Variants in VTI1A observed in about 807,000 individuals in gnomAD.
VTI1A encodes the protein vesicle transport through interaction with t-SNAREs 1A.
VTI1A carries 22 observed loss-of-function variants against 34.9 expected under a neutral mutation model. The ratio of observed to expected loss-of-function variants is 0.63; its 90% confidence interval spans 0.45 to 0.90. VTI1A has a LOEUF of 0.90. Among genes scored for constraint, VTI1A ranks in the 40% least tolerant of loss-of-function variants. The probability of loss-of-function intolerance (pLI) is 0.00; values close to 1 mark genes in which losing one functional copy is unlikely to be tolerated. For synonymous variants in VTI1A, 87 were observed against 97.3 expected, an observed-to-expected ratio of 0.89 and a Z score of 0.62; for missense variants, 268 against 275.6, an observed-to-expected ratio of 0.97 and a Z score of 0.20.
At chr10:112,528,094 A>G (rs116932564) in intron 4 of VTI1A, among the ~76,000 whole-genome samples, 2,855 of 152,282 alleles carry the variant, frequency 0.019, 40 homozygotes, top group South Asian at 0.028. Context: ...TTTGGCAAGT[A>G]GTATAAAAGT....
the VTI1A span, chr10:112,825,767 T>G: frequency 6.6e-6 from 1 of 152,232 alleles, no homozygotes; most frequent in Non-Finnish European, 1.5e-5. Context: ...CTTCCTTCTT[T>G]CAACCTTCCG....
At chr10:112,807,819 C>T (rs1853139775) in intron 7 of VTI1A, among the ~76,000 whole-genome samples, 1 of 152,072 alleles carries the variant, frequency 6.6e-6, no homozygotes, top group Non-Finnish European at 1.5e-5. Flanking sequence ...CACCATTACA[C>T]TCCAGCCTGG....
At chr10:112,543,896 T>C (rs960508874) in intron 5 of VTI1A, among the ~76,000 whole-genome samples, 1 of 152,252 alleles carries the variant, frequency 6.6e-6, no homozygotes. Context: ...TTTCCAGATA[T>C]GGCTAGCCAG....
intron 7 of VTI1A, among the ~76,000 whole-genome samples, chr10:112,722,243 A>G (rs1225246532): frequency 6.6e-6 from 1 of 152,174 alleles, no homozygotes; most frequent in Non-Finnish European, 1.5e-5. Context: ...TTCAGATAAG[A>G]TTTGACTATC....
intron 7 of VTI1A, among the ~76,000 whole-genome samples, chr10:112,707,076 A>G (rs952177818): frequency 2.0e-5 from 3 of 152,226 alleles, no homozygotes; most frequent in African/African-American, 7.2e-5. Context: ...TTGAAAATTC[A>G]GAAAGGGTTA....
chr10:112,776,520 A>G (rs906814397), intron 7 of VTI1A, among the ~76,000 whole-genome samples: 95 of 152,154 alleles, frequency 6.2e-4, no homozygotes, highest in African/African-American at 2.1e-3. Flanking sequence ...TCTGACATCC[A>G]TCCGTCTATC....
At chr10:112,602,566 C>T (rs1423007361) in intron 5 of VTI1A, among the ~76,000 whole-genome samples, 1 of 152,136 alleles carries the variant, frequency 6.6e-6, no homozygotes, top group South Asian at 2.1e-4. Flanking sequence ...TCTGAAATGC[C>T]TCAATTAATG....
At chr10:112,798,553 C>G (rs1852756417) in intron 7 of VTI1A, among the ~76,000 whole-genome samples, 2 of 152,142 alleles carry the variant, frequency 1.3e-5, no homozygotes, top group South Asian at 4.1e-4. Context: ...CCTCCTAATT[C>G]ATGGGTGATT....
intron 3 of VTI1A, among the ~76,000 whole-genome samples, chr10:112,486,926 T>C (rs1848656799): frequency 6.6e-6 from 1 of 152,004 alleles, no homozygotes; most frequent in Admixed American, 6.6e-5. Context: ...ACATTTAATC[T>C]CTCTTTACCG....
chr10:112,647,173 TC>T (rs1846828032), intron 5 of VTI1A, among the ~76,000 whole-genome samples: 1 of 152,196 alleles, frequency 6.6e-6, no homozygotes, highest in Non-Finnish European at 1.5e-5. Flanking sequence ...TTTCTTTACT[TC>T]CATGGGCATG....
chr10:112,626,510 A>G (rs1227623030), intron 5 of VTI1A, among the ~76,000 whole-genome samples: 2 of 152,168 alleles, frequency 1.3e-5, no homozygotes, highest in Non-Finnish European at 2.9e-5. Flanking sequence ...TGCTGAGGAC[A>G]AGGACTACAT....
intron 2 of VTI1A, among the ~76,000 whole-genome samples, chr10:112,462,799 A>G (rs1847769015): frequency 6.6e-6 from 1 of 152,218 alleles, no homozygotes; most frequent in Non-Finnish European, 1.5e-5. Flanking sequence ...TTCCGGAAGG[A>G]ACTTATTAGA....
intron 3 of VTI1A, among the ~76,000 whole-genome samples, chr10:112,493,831 A>G (rs936173530): frequency 1.3e-5 from 2 of 152,152 alleles, no homozygotes; most frequent in African/African-American, 4.8e-5. Context: ...GTAATAGTGT[A>G]TAACCCTCCT....
At chr10:112,500,604 T>G (rs913301161) in intron 3 of VTI1A, among the ~76,000 whole-genome samples, 8 of 152,142 alleles carry the variant, frequency 5.3e-5, no homozygotes, top group Non-Finnish European at 1.0e-4. Flanking sequence ...AGGAACATAT[T>G]TTGTCTGGGT....
Position 112,811,712 on chromosome 10 carries a change from A to AAAAAAAAAAAAAAT in VTI1A, c.561-3578_561-3577insAAAAAAAAAAAAAT, listed in dbSNP as rs67154330. On this transcript the variant is annotated intron_variant, in intron 7 of 7. Transcript: ENST00000393077. ...AAAAAAAAAAAAAAAAAAAAAAAAA[A>AAAAAAAAAAAAAAT]GAGTGCAGTCCATGCCTGGAAGTAG... 4.8e-5 allele frequency among the ~76,000 whole-genome samples: 4 copies of AAAAAAAAAAAAAAT among 84,066 alleles called. 1 individual carries two copies. The highest frequency in any genetic ancestry group is 6.8e-5 in the Non-Finnish European group (3 of 44,332). The allele number at this position is 84,066 out of a possible 152,430, so 55.2% of individuals were successfully genotyped here. A position where few individuals can be genotyped will look rare whatever the true frequency, so the allele number is the denominator to read the frequency against.
intron 2 of VTI1A, among the ~76,000 whole-genome samples, chr10:112,463,623 T>C (rs1847802741): frequency 1.3e-5 from 2 of 151,744 alleles, no homozygotes; most frequent in African/African-American, 4.9e-5. Context: ...TGATAGCAGG[T>C]TGTTAAAAAA....
At chr10:112,792,979 T>C (rs1224012016) in intron 7 of VTI1A, among the ~76,000 whole-genome samples, 1 of 152,204 alleles carries the variant, frequency 6.6e-6, no homozygotes, top group Non-Finnish European at 1.5e-5. Context: ...CTCAAAAGCC[T>C]GTGATGCACT....
intron 5 of VTI1A, among the ~76,000 whole-genome samples, chr10:112,547,351 C>T (rs185850529): frequency 1.2e-4 from 19 of 152,008 alleles, no homozygotes; most frequent in East Asian, 3.9e-4. Flanking sequence ...CCGAGGTGGG[C>T]GGATCACTTG....
At chr10:112,622,325 C>T (rs904724696) in intron 5 of VTI1A, among the ~76,000 whole-genome samples, 5 of 152,024 alleles carry the variant, frequency 3.3e-5, no homozygotes, top group Admixed American at 1.3e-4. Context: ...CAAGGTCTGT[C>T]GCTGGTTTTG....
Sources: gnomAD v4.1 joint callset for allele counts (sites outside exome capture counted in the v4.1 genomes callset) on GRCh38, gnomAD v4.1.1 for gene constraint, MANE v1.5 for transcripts, NCBI Gene and HGNC (gene_info 2026-07-23, HGNC 2026-07-21) for gene names.